Variants in VPS13B observed in about 807,000 individuals in gnomAD.
The protein encoded by VPS13B is vacuolar protein sorting 13 homolog B.
A neutral mutation model predicts 426.4 loss-of-function variants in VPS13B; 285 were observed. The ratio of observed to expected loss-of-function variants is 0.67; its 90% CI spans 0.61 to 0.74. The LOEUF is 0.74. Among genes scored for constraint, VPS13B ranks in the 30% least tolerant of loss-of-function variants. VPS13B has a pLI of 0.00. For synonymous variants in VPS13B, 1,676 were observed against 1,676.4 expected (o/e 1.00, Z 0.01); for missense variants, 4,537 against 4,782.6 (o/e 0.95, Z 1.51).
At chr8:99,517,420 TG>T (rs1377161581) in intron 29 of VPS13B, among the ~76,000 whole-genome samples, 1 of 152,126 alleles carries the variant, frequency 6.6e-6, no homozygotes, top group Non-Finnish European at 1.5e-5. Context: ...CACACTCTCT[TG>T]CCCCAAGAAA....
At chr8:99,680,781 T>G (rs1039680841) in intron 35 of VPS13B, among the ~76,000 whole-genome samples, 1 of 152,206 alleles carries the variant, frequency 6.6e-6, no homozygotes. Flanking sequence ...TGGAATAAAA[T>G]TTATAGTAAC....
chr8:99,104,285 A>T (rs1259810591), intron 5 of VPS13B, among the ~76,000 whole-genome samples: 1 of 152,204 alleles, frequency 6.6e-6, no homozygotes, highest in Non-Finnish European at 1.5e-5. Context: ...TTATAATCTT[A>T]TGGGACAGCC....
At chr8:99,545,026 A>G (rs1466599515) in intron 30 of VPS13B, among the ~76,000 whole-genome samples, 1 of 152,174 alleles carries the variant, frequency 6.6e-6, no homozygotes, top group African/African-American at 2.4e-5. Context: ...CTTTTTATTG[A>G]AACAACTATA....
At chr8:99,852,981 G>A (rs986751361) in intron 55 of VPS13B, among the ~76,000 whole-genome samples, 1 of 152,122 alleles carries the variant, frequency 6.6e-6, no homozygotes. Context: ...AGCAAGGGTG[G>A]TTCCGCCCCA....
chr8:99,238,374 G>C (rs772666028), intron 17 of VPS13B, among the ~76,000 whole-genome samples: 1 of 152,122 alleles, frequency 6.6e-6, no homozygotes, highest in African/African-American at 2.4e-5. Context: ...ACAATTAAAT[G>C]TTTAAATATT....
intron 30 of VPS13B, 79 bp downstream of exon 30, chr8:99,521,089 G>A (rs1460791046): frequency 8.7e-7 from 1 of 1,145,570 alleles, no homozygotes; most frequent in Admixed American, 1.8e-5. Flanking sequence ...ACTTAGTGTG[G>A]CCTGTAGAAA....
chr8:99,816,447 C>G (rs1588741225), intron 44 of VPS13B, among the ~76,000 whole-genome samples: 1 of 152,118 alleles, frequency 6.6e-6, no homozygotes, highest in East Asian at 1.9e-4. Flanking sequence ...ACTCTCTTAC[C>G]TGGGTGTAAA....
At chr8:99,200,439 G>A (rs771074785) in intron 17 of VPS13B, among the ~76,000 whole-genome samples, 41 of 151,898 alleles carry the variant, frequency 2.7e-4, no homozygotes, top group Non-Finnish European at 5.4e-4. Flanking sequence ...TAATTGCTGG[G>A]TCATATGGTA....
chr8:99,451,658 T>C (rs1230942946), intron 23 of VPS13B, among the ~76,000 whole-genome samples: 1 of 152,226 alleles, frequency 6.6e-6, no homozygotes, highest in Admixed American at 6.5e-5. Context: ...GTTTCCCAGA[T>C]ACATTTTCTT....
rs1359263734 is a variant in VPS13B, at chr8:99,192,880, A to G, written c.2338A>G (p.Lys780Glu). 6.2e-7 allele frequency: 1 copy of G among 1,612,918 alleles called. No individual in the cohort carries two copies. The highest frequency in any genetic ancestry group is 2.2e-5 in the East Asian group (1 of 44,798). Residue 780 changes from lysine to glutamate, a missense_variant, in exon 17 of 62, where the codon AAA becomes GAA. By Grantham distance (56) the Lys-to-Glu change is moderately conservative. This residue lies in a region of VPS13B where 4,311 missense variants were observed against 4,474.3 expected (regional missense o/e 0.96). Transcript: ENST00000357162. ...KLLKLPTCWTKRSQIAITEGI... is the reference protein window; with the variant it reads ...KLLKLPTCWTERSQIAITEGI... ...TCTTTCTGTTTTCTTGTGCAGGACCAAAAGATCTCAGATTGCTATAACTGA... is the reference window on the plus strand; with the variant it reads ...TCTTTCTGTTTTCTTGTGCAGGACCGAAAGATCTCAGATTGCTATAACTGA...
chr8:99,146,406 A>G (rs1810730552), intron 13 of VPS13B, among the ~76,000 whole-genome samples: 3 of 152,186 alleles, frequency 2.0e-5, no homozygotes, highest in South Asian at 4.1e-4. Context: ...GGTATTTCCC[A>G]CTGTCAGTAC....
intron 58 of VPS13B, among the ~76,000 whole-genome samples, chr8:99,865,750 G>T (rs911260695): frequency 6.6e-6 from 1 of 152,234 alleles, no homozygotes; most frequent in African/African-American, 2.4e-5. Context: ...CTGGAAGGGC[G>T]AGCTGTGGCG....
chr8:99,353,388 C>T (rs900353584), intron 19 of VPS13B, among the ~76,000 whole-genome samples: 4 of 152,074 alleles, frequency 2.6e-5, no homozygotes, highest in Non-Finnish European at 5.9e-5. Context: ...ATGACTGAAA[C>T]TTATGTGGTG....
chr8:99,127,968 ATG>A, intron 8 of VPS13B, among the ~76,000 whole-genome samples: 1 of 152,272 alleles, frequency 6.6e-6, no homozygotes, highest in South Asian at 2.1e-4. Flanking sequence ...GTTTTAATTA[ATG>A]TATATGAAGA....
chr8:99,254,994 A>C (rs2132932811), intron 17 of VPS13B, among the ~76,000 whole-genome samples: 1 of 152,282 alleles, frequency 6.6e-6, no homozygotes. Context: ...ATGACTTGAA[A>C]GGTAGATCTT....
chr8:99,127,695 G>C (rs1223391850), intron 8 of VPS13B, among the ~76,000 whole-genome samples: 1 of 151,984 alleles, frequency 6.6e-6, no homozygotes, highest in Non-Finnish European at 1.5e-5. Context: ...GAGGAGTTTT[G>C]TTTATTCAGA....
At chr8:99,289,936 C>T (rs556586910) in intron 19 of VPS13B, among the ~76,000 whole-genome samples, 1 of 152,148 alleles carries the variant, frequency 6.6e-6, no homozygotes, top group East Asian at 1.9e-4. Context: ...AAAAGGCAAA[C>T]ATTTTATTTG....
chr8:99,065,769 C>T (rs1018700784), intron 3 of VPS13B, among the ~76,000 whole-genome samples: 1 of 152,170 alleles, frequency 6.6e-6, no homozygotes, highest in East Asian at 1.9e-4. Flanking sequence ...ATTGTCTCAG[C>T]CCAAAATCTC....
chr8:99,326,286 A>G (rs1426654951), intron 19 of VPS13B, among the ~76,000 whole-genome samples: 1 of 152,042 alleles, frequency 6.6e-6, no homozygotes, highest in East Asian at 1.9e-4. Context: ...TTTACATTTT[A>G]TGTTTGATAT....
Sources: gnomAD v4.1 joint callset for allele counts (sites outside exome capture counted in the v4.1 genomes callset) on GRCh38, gnomAD v4.1.1 for gene constraint, gnomAD v4.1.1 regional missense constraint, MANE v1.5 for transcripts, NCBI Gene and HGNC (gene_info 2026-07-23, HGNC 2026-07-21) for gene names.